ZNF329: variants seen among roughly 807,000 people sequenced by gnomAD.
ZNF329 encodes the protein zinc finger protein 329.
Under a neutral mutation model 26.6 loss-of-function variants are expected in ZNF329, and 15 were observed. The observed-to-expected ratio is 0.56, with a 90% CI of 0.38 to 0.87. ZNF329 has a LOEUF of 0.87. Among genes scored for constraint, ZNF329 ranks in the 40% least tolerant of loss-of-function variants. The probability of loss-of-function intolerance (pLI) is 0.00; values close to 1 mark genes in which losing one functional copy is unlikely to be tolerated. For missense variants in ZNF329, 651 were observed against 651.9 expected, an observed-to-expected ratio of 1.00 and a Z score of 0.02; for synonymous variants, 239 against 233.5, an observed-to-expected ratio of 1.02 and a Z score of -0.21.
upstream of ZNF329, among the ~76,000 whole-genome samples, chr19:58,151,138 C>T (rs1229788603): frequency 6.6e-6 from 1 of 152,198 alleles, no homozygotes; most frequent in Non-Finnish European, 1.5e-5. Context: ...CGCCTGTAAT[C>T]CCAGCATTTT....
intron 3 of ZNF329, 69 bp from the exon 4 acceptor site, chr19:58,129,580 G>A: frequency 2.3e-6 from 3 of 1,307,314 alleles, no homozygotes; most frequent in Non-Finnish European, 3.2e-6. Context: ...AGACAATGAT[G>A]ATGGGCTAGG....
Position 58,129,471 on chromosome 19 carries a change from AG to A in ZNF329, c.32del (p.Pro11LeufsTer9), listed in dbSNP as rs1316380005. On this transcript the variant is annotated frameshift_variant, in exon 4 of 4. Transcript: ENST00000598312. LOFTEE classifies it low-confidence loss of function (END_TRUNC). The part of the protein sequence containing the change: MRLKMTTRNF[P>X]EREVPCDVEV... Reference sequence around the variant, plus strand: ...CTACATCACAGGGTACTTCTCTCTCAGGAAAATTCCGAGTCGTCATTTTCAA... The same window carrying A: ...CTACATCACAGGGTACTTCTCTCTCAGAAAATTCCGAGTCGTCATTTTCAA... The A allele has an allele frequency of 6.3e-7, 1 of 1,598,216 alleles. No homozygotes were observed. Among genetic ancestry groups the A allele is most frequent in the Non-Finnish European group, 8.5e-7 (1 of 1,172,258 alleles).
Position 58,129,125 on chromosome 19 carries a change from T to C in ZNF329, c.379A>G (p.Lys127Glu), listed in dbSNP as rs746324940. 1.1e-5 allele frequency: 18 copies of C among 1,613,994 alleles called. No individual in the cohort carries two copies. Among genetic ancestry groups the C allele is most frequent in the Non-Finnish European group, 1.4e-5 (17 of 1,180,036 alleles). The change falls in exon 4 of 4, where the codon AAA (lysine) becomes GAA (glutamate). Residue 127 changes from lysine (K) to glutamate (E), a missense_variant. By Grantham distance (56) the Lys-to-Glu change is moderately conservative. Coordinates refer to ENST00000598312, the MANE Select transcript of ZNF329 (RefSeq NM_024620.4). ...ACTTCCATGGAATGGTTGAAGCCTTTTCCACAGGCATCACTGTCACCAGTT... is the reference window on the plus strand; with the variant it reads ...ACTTCCATGGAATGGTTGAAGCCTTCTCCACAGGCATCACTGTCACCAGTT... ...KRTGDSDACGKGFNHSMEVIH... is the reference protein window; with the variant it reads ...KRTGDSDACGEGFNHSMEVIH...
intron 3 of ZNF329, among the ~76,000 whole-genome samples, chr19:58,141,367 C>T (rs1351845953): frequency 6.6e-6 from 1 of 151,966 alleles, no homozygotes; most frequent in African/African-American, 2.4e-5. Flanking sequence ...GGAGCGATCT[C>T]AGCTCACTGC....
At chr19:58,129,933 C>G (rs1025651341) in intron 3 of ZNF329, among the ~76,000 whole-genome samples, 1 of 152,208 alleles carries the variant, frequency 6.6e-6, no homozygotes, top group African/African-American at 2.4e-5. Context: ...AGGAACAGTT[C>G]TCACCCCAGC....
intron 3 of ZNF329, among the ~76,000 whole-genome samples, chr19:58,139,157 G>A (rs1308039012): frequency 6.6e-6 from 1 of 151,930 alleles, no homozygotes; most frequent in Non-Finnish European, 1.5e-5. Flanking sequence ...TCGCCTTGAG[G>A]AACAAAAGGA....
Position 58,128,198 on chromosome 19 carries a change from A to G in ZNF329, c.1306T>C (p.Phe436Leu), listed in dbSNP as rs760986401. The change falls in exon 4 of 4, where the codon TTC (phenylalanine) becomes CTC (leucine). Residue 436 changes from phenylalanine to leucine, a missense_variant. By Grantham distance (22) the Phe-to-Leu change is conservative. Transcript: ENST00000598312. ...CTAATGAGGCCAGCGATATTCCTGA[A>G]AAGTTTCTGACACTGGTTGCAGCCA... ...PYGCNQCQKL[F>L]RNIAGLIRHQ... 1 of 1,587,480 alleles carries G rather than the reference A, an allele frequency of 6.3e-7. No individual in the cohort carries two copies. The highest frequency in any genetic ancestry group is 1.8e-5 in the Admixed American group (1 of 56,720).
chr19:58,133,683 A>G (rs2075001126), intron 3 of ZNF329, among the ~76,000 whole-genome samples: 1 of 152,136 alleles, frequency 6.6e-6, no homozygotes, highest in African/African-American at 2.4e-5. Context: ...CGAAGGAAGG[A>G]AAAACAAAGG....
intron 3 of ZNF329, among the ~76,000 whole-genome samples, chr19:58,137,690 A>C (rs2075101229): frequency 6.6e-6 from 1 of 151,746 alleles, no homozygotes; most frequent in Non-Finnish European, 1.5e-5. Context: ...AAGGCCAGAC[A>C]TGGTGGCTCA....
At chr19:58,148,855 G>C (rs1212290760) in intron 1 of ZNF329, among the ~76,000 whole-genome samples, 1 of 152,192 alleles carries the variant, frequency 6.6e-6, no homozygotes, top group Non-Finnish European at 1.5e-5. Flanking sequence ...TGCAACACCT[G>C]CTGTGTGTAC....
intron 1 of ZNF329, among the ~76,000 whole-genome samples, chr19:58,144,384 A>ATCTATCTATCTATCTATC (rs1335729765): frequency 3.7e-4 from 28 of 75,080 alleles, no homozygotes; most frequent in South Asian, 7.2e-4. Context: ...ATCTATCTAT[A>ATCTATCTATCTATCTATC]TATATATATA....
chr19:58,152,500 C>A (rs2075475004), upstream of ZNF329, among the ~76,000 whole-genome samples: 1 of 152,006 alleles, frequency 6.6e-6, no homozygotes, highest in African/African-American at 2.4e-5. Context: ...CCCCCCGCCC[C>A]CAGCTCACAG....
upstream of ZNF329, chr19:58,150,931 C>G (rs1197605605): frequency 6.6e-6 from 1 of 152,358 alleles, no homozygotes; most frequent in African/African-American, 2.4e-5. Flanking sequence ...CAGGCATTTA[C>G]TTTCTCCTAT....
chr19:58,127,135 C>T lies in ZNF329; in HGVS notation c.*743G>A, dbSNP rs538327301. 2.0e-5 allele frequency: 3 copies of T among 152,340 alleles called. No individual in the cohort carries two copies. Among genetic ancestry groups the T allele is most frequent in the South Asian group, 2.1e-4 (1 of 4,824 alleles). The allele number at this position is 152,340 out of a possible 1,614,324, so 9.4% of individuals were successfully genotyped here. On this transcript the variant is annotated 3_prime_UTR_variant, in exon 4 of 4. Transcript: ENST00000598312. Reference sequence around the variant, plus strand: ...CAGTACAGCACTGTGTGGACTCTCTCATTGTACACCTTTGTTGTTACAGAA... The same window carrying T: ...CAGTACAGCACTGTGTGGACTCTCTTATTGTACACCTTTGTTGTTACAGAA...
chr19:58,147,825 C>G (rs1403663273), intron 1 of ZNF329, among the ~76,000 whole-genome samples: 4 of 150,072 alleles, frequency 2.7e-5, no homozygotes, highest in Admixed American at 2.6e-4. Flanking sequence ...TGAGGGGCGC[C>G]TCTGCCCAGC....
At chr19:58,131,874 T>A (rs75769453) in intron 3 of ZNF329, among the ~76,000 whole-genome samples, 2 of 151,784 alleles carry the variant, frequency 1.3e-5, no homozygotes, top group African/African-American at 2.4e-5. Context: ...ATACAAAAAA[T>A]TAGCCAGGCG....
chr19:58,149,465 A>AGGT, intron 1 of ZNF329, among the ~76,000 whole-genome samples: 1 of 152,274 alleles, frequency 6.6e-6, no homozygotes, highest in South Asian at 2.1e-4. Flanking sequence ...GGCAGGGAGA[A>AGGT]GATAAAGATA....
At chr19:58,131,973 C>T (rs968258336) in intron 3 of ZNF329, among the ~76,000 whole-genome samples, 8 of 143,780 alleles carry the variant, frequency 5.6e-5, no homozygotes, top group Non-Finnish European at 1.5e-5. Context: ...CAGTGAGCCG[C>T]GATAGCGCCA....
chr19:58,131,153 A>G (rs917669862), intron 3 of ZNF329, among the ~76,000 whole-genome samples: 1 of 149,560 alleles, frequency 6.7e-6, no homozygotes, highest in African/African-American at 2.6e-5. Flanking sequence ...GCGTGTATTT[A>G]CATTTCAGAA....
Sources: gnomAD v4.1 joint callset for allele counts (sites outside exome capture counted in the v4.1 genomes callset) on GRCh38, gnomAD v4.1.1 for gene constraint, MANE v1.5 for transcripts, NCBI Gene and HGNC (gene_info 2026-07-23, HGNC 2026-07-21) for gene names.